The following RBFOX1 variants were observed in gnomAD, a reference collection of about 807,000 sequenced individuals.
The protein encoded by RBFOX1 is RNA binding fox-1 homolog 1.
RBFOX1 carries 8 observed loss-of-function variants against 57.7 expected under a neutral mutation model. The ratio of observed to expected loss-of-function variants is 0.14; its 90% CI spans 0.08 to 0.25. The LOEUF is 0.25. Among genes scored for constraint, RBFOX1 ranks in the 10% least tolerant of loss-of-function variants. The probability of loss-of-function intolerance (pLI) is 1.00; values close to 1 mark genes in which losing one functional copy is unlikely to be tolerated. For missense variants in RBFOX1, 611 were observed against 548.5 expected, an observed-to-expected ratio of 1.11 and a Z score of -1.14; for synonymous variants, 326 against 222.4, an observed-to-expected ratio of 1.47 and a Z score of -4.15.
intron 4 of RBFOX1, among the ~76,000 whole-genome samples, chr16:7,441,573 T>C (rs77610142): frequency 1.9e-3 from 286 of 152,348 alleles, no homozygotes; most frequent in African/African-American, 6.5e-3. Flanking sequence ...ATCTACACTT[T>C]AGTTTCACCC....
chr16:7,110,706 C>G (rs2151567858), intron 4 of RBFOX1, among the ~76,000 whole-genome samples: 1 of 152,200 alleles, frequency 6.6e-6, no homozygotes, highest in Non-Finnish European at 1.5e-5. Flanking sequence ...AAAATACAGC[C>G]TGGCATTAAT....
At chr16:7,028,462 C>T (rs1343049378) in intron 3 of RBFOX1, among the ~76,000 whole-genome samples, 1 of 151,746 alleles carries the variant, frequency 6.6e-6, no homozygotes, top group Non-Finnish European at 1.5e-5. Context: ...TGGCTCATGC[C>T]TGTAATCCCA....
chr16:5,555,838 A>G (rs2045651204), intron 2 of RBFOX1, among the ~76,000 whole-genome samples: 1 of 151,924 alleles, frequency 6.6e-6, no homozygotes, highest in African/African-American at 2.4e-5. Flanking sequence ...CCTCACCAAT[A>G]TGGGAAAACC....
chr16:5,896,696 C>T (rs1597685789), intron 4 of RBFOX1, among the ~76,000 whole-genome samples: 1 of 152,090 alleles, frequency 6.6e-6, no homozygotes, highest in Non-Finnish European at 1.5e-5. Context: ...TGAGGTTTGC[C>T]TGCAGGGTTG....
At chr16:7,317,642 T>C (rs950476306) in intron 4 of RBFOX1, among the ~76,000 whole-genome samples, 1 of 152,130 alleles carries the variant, frequency 6.6e-6, no homozygotes, top group African/African-American at 2.4e-5. Context: ...TTATGAAATG[T>C]CCACTGAGCA....
intron 2 of RBFOX1, among the ~76,000 whole-genome samples, chr16:6,463,096 C>G (rs981138276): frequency 2.1e-5 from 3 of 144,860 alleles, no homozygotes; most frequent in African/African-American, 5.1e-5. Context: ...TATCCTTCCC[C>G]TATTCAACTT....
At chr16:6,964,234 G>A (rs532227101) in intron 3 of RBFOX1, among the ~76,000 whole-genome samples, 105 of 151,510 alleles carry the variant, frequency 6.9e-4, no homozygotes, top group African/African-American at 2.3e-3. Flanking sequence ...GGCCAGGCTG[G>A]TCTCGAACTG....
At chr16:6,752,150 T>A (rs576113002) in intron 3 of RBFOX1, among the ~76,000 whole-genome samples, 1 of 152,308 alleles carries the variant, frequency 6.6e-6, no homozygotes, top group South Asian at 2.1e-4. Flanking sequence ...TCCATTAGTT[T>A]CAAAGTACAG....
intron 1 of RBFOX1, among the ~76,000 whole-genome samples, chr16:6,120,945 C>T (rs184116768): frequency 3.3e-5 from 5 of 152,186 alleles, no homozygotes; most frequent in African/African-American, 7.2e-5. Flanking sequence ...TGTGAAACAG[C>T]TTGTTCTTCC....
chr16:6,986,576 G>C (rs1353708984), intron 3 of RBFOX1, among the ~76,000 whole-genome samples: 1 of 152,188 alleles, frequency 6.6e-6, no homozygotes, highest in East Asian at 1.9e-4. Flanking sequence ...GTAGGCATGA[G>C]CTCCTGGGCC....
At chr16:5,689,698 T>A (rs2050610467) in intron 3 of RBFOX1, among the ~76,000 whole-genome samples, 7 of 152,130 alleles carry the variant, frequency 4.6e-5, no homozygotes, top group Admixed American at 4.6e-4. Flanking sequence ...GATATATATT[T>A]TTGAACTGTA....
intron 3 of RBFOX1, among the ~76,000 whole-genome samples, chr16:5,690,061 G>T (rs2050626272): frequency 6.6e-6 from 1 of 152,208 alleles, no homozygotes; most frequent in Non-Finnish European, 1.5e-5. Flanking sequence ...AGGAGAGCTG[G>T]ACAGTGGTCA....
intron 3 of RBFOX1, among the ~76,000 whole-genome samples, chr16:5,642,616 C>G (rs371926727): frequency 1.8e-4 from 27 of 152,202 alleles, no homozygotes; most frequent in African/African-American, 4.3e-4. Flanking sequence ...AGCCGCCCCC[C>G]CTTCCCCAGC....
intron 2 of RBFOX1, among the ~76,000 whole-genome samples, chr16:6,594,675 C>A (rs1230747551): frequency 7.2e-6 from 1 of 139,370 alleles, no homozygotes; most frequent in East Asian, 2.2e-4. Flanking sequence ...CTCAAGGGAC[C>A]CAGCACGCTC....
At chr16:6,032,830 A>G (rs2095309351) in intron 1 of RBFOX1, among the ~76,000 whole-genome samples, 1 of 152,054 alleles carries the variant, frequency 6.6e-6, no homozygotes. Context: ...TCTGTGTAAT[A>G]TAATTTGTCT....
chr16:6,289,985 G>T (rs927511721), intron 1 of RBFOX1, among the ~76,000 whole-genome samples: 5 of 152,188 alleles, frequency 3.3e-5, no homozygotes, highest in Non-Finnish European at 5.9e-5. Flanking sequence ...TGGAGAAGGG[G>T]TAGGAGAAGA....
At chr16:5,326,369 A>G (rs1719536739) in intron 1 of RBFOX1, among the ~76,000 whole-genome samples, 1 of 152,230 alleles carries the variant, frequency 6.6e-6, no homozygotes, top group South Asian at 2.1e-4. Flanking sequence ...CCAAAAAATA[A>G]TAAAATACAT....
chr16:7,663,917 C>A (rs1221496923), intron 12 of RBFOX1, among the ~76,000 whole-genome samples: 1 of 152,132 alleles, frequency 6.6e-6, no homozygotes, highest in African/African-American at 2.4e-5. Context: ...GGTTGTTTTA[C>A]TCAAAGCATA....
intron 1 of RBFOX1, among the ~76,000 whole-genome samples, chr16:6,145,748 C>T (rs1166636428): frequency 2.0e-5 from 3 of 151,854 alleles, no homozygotes; most frequent in Non-Finnish European, 4.4e-5. Flanking sequence ...GGAGAAAAGC[C>T]AGTAGTATAT....
Sources: allele counts gnomAD v4.1 joint callset (sites outside exome capture counted in the v4.1 genomes callset), GRCh38; gene constraint gnomAD v4.1.1; transcripts MANE v1.5; gene names NCBI Gene and HGNC (gene_info 2026-07-23, HGNC 2026-07-21).